The following VSNL1 variants were observed in gnomAD, a reference collection of about 807,000 sequenced individuals.
VSNL1 encodes visinin like 1, also known as visinin-like protein 1.
Under a neutral mutation model 20.4 loss-of-function variants are expected in VSNL1, and 6 were observed. That is an observed-to-expected ratio of 0.29 (90% confidence interval 0.16 to 0.58). The LOEUF is 0.58. Among genes scored for constraint, VSNL1 ranks in the 20% least tolerant of loss-of-function variants. The pLI is 0.90. For synonymous variants in VSNL1, 93 were observed against 86.4 expected (o/e 1.08, Z -0.42); for missense variants, 100 against 234.5 (o/e 0.43, Z 3.75).
intron 2 of VSNL1, among the ~76,000 whole-genome samples, chr2:17,602,435 A>G (rs1474323500): frequency 2.0e-5 from 3 of 152,158 alleles, no homozygotes; most frequent in African/African-American, 7.2e-5. Flanking sequence ...TTTACGACCA[A>G]CTTTCCCTGT....
intron 2 of VSNL1, among the ~76,000 whole-genome samples, chr2:17,618,664 G>T (rs751143420): frequency 6.6e-6 from 1 of 152,160 alleles, no homozygotes; most frequent in African/African-American, 2.4e-5. Context: ...AACCATTATT[G>T]TAAGAGTAAT....
chr2:17,554,129 A>G (rs1054794455), intron 1 of VSNL1, among the ~76,000 whole-genome samples: 1 of 152,192 alleles, frequency 6.6e-6, no homozygotes, highest in Non-Finnish European at 1.5e-5. Flanking sequence ...CTACTTATTT[A>G]GAGAATGTAA....
intron 1 of VSNL1, among the ~76,000 whole-genome samples, chr2:17,558,446 AG>A: frequency 6.6e-6 from 1 of 152,222 alleles, no homozygotes; most frequent in Non-Finnish European, 1.5e-5. Context: ...TTTAATGATA[AG>A]ATCAATAATA....
At chr2:17,579,990 G>GACCATC (rs1664313437) in intron 1 of VSNL1, among the ~76,000 whole-genome samples, 3 of 152,140 alleles carry the variant, frequency 2.0e-5, no homozygotes, top group African/African-American at 7.2e-5. Flanking sequence ...ACACAGTGCT[G>GACCATC]GGAGTCAGAG....
chr2:17,625,239 C>T (rs955955283), intron 2 of VSNL1, among the ~76,000 whole-genome samples: 1 of 152,198 alleles, frequency 6.6e-6, no homozygotes, highest in Non-Finnish European at 1.5e-5. Context: ...AATTAAACCT[C>T]TTTTGTAAAT....
At chr2:17,642,855 A>G (rs1184827836) in intron 2 of VSNL1, among the ~76,000 whole-genome samples, 3 of 152,248 alleles carry the variant, frequency 2.0e-5, no homozygotes, top group African/African-American at 7.2e-5. Flanking sequence ...ATGTAATTAT[A>G]CGAGAATCAC....
intron 2 of VSNL1, among the ~76,000 whole-genome samples, chr2:17,622,160 T>C (rs929200593): frequency 6.7e-6 from 1 of 150,352 alleles, no homozygotes; most frequent in African/African-American, 2.5e-5. Flanking sequence ...TACTAGCTCA[T>C]CCTACAAATT....
intron 2 of VSNL1, among the ~76,000 whole-genome samples, chr2:17,639,393 C>G (rs1665832879): frequency 6.6e-6 from 1 of 152,198 alleles, no homozygotes; most frequent in African/African-American, 2.4e-5. Flanking sequence ...GGGTGTGCCT[C>G]TCTCTGCCTC....
chr2:17,579,364 C>T (rs187765113), intron 1 of VSNL1, among the ~76,000 whole-genome samples: 26 of 152,072 alleles, frequency 1.7e-4, no homozygotes, highest in African/African-American at 6.0e-4. Context: ...ATCCGCCCGC[C>T]TCGGCCTCCC....
In VSNL1 at chr2:17,656,112, GT is replaced by G. The variant is rs1294157318; in HGVS notation, c.*721del. On this transcript the variant is annotated 3_prime_UTR_variant, in exon 4 of 4. Coordinates refer to ENST00000295156, the MANE Select transcript of VSNL1 (RefSeq NM_003385.5). The stretch of plus-strand genomic sequence containing the variant: ...AAGTAAAAAAGATGGAAGTGTATTG[GT>G]TTCTGTTTGAATTTTCAAAGGCTTC... 1.3e-5 allele frequency: 2 copies of G among 152,490 alleles called. No homozygotes were observed. Among genetic ancestry groups the G allele is most frequent in the African/African-American group, 4.8e-5 (2 of 41,386 alleles). 9.4% of individuals were successfully genotyped at this position (152,490 alleles called of 1,614,324 possible).
intron 2 of VSNL1, among the ~76,000 whole-genome samples, chr2:17,608,833 G>A (rs1382111190): frequency 2.0e-5 from 3 of 152,126 alleles, no homozygotes; most frequent in Admixed American, 6.5e-5. Flanking sequence ...ATTATTTTGT[G>A]TTAGGGATGT....
At position 17,655,772 on chromosome 2, in the gene VSNL1, C is replaced by T. The variant is rs575632765; in HGVS notation, c.*378C>T. ...TTACATAATGTTAGTAGCACTGAGACCCCCATGGTAATGTAACTTAATTAT... is the reference window on the plus strand; with the variant it reads ...TTACATAATGTTAGTAGCACTGAGATCCCCATGGTAATGTAACTTAATTAT... On this transcript the variant is annotated 3_prime_UTR_variant, in exon 4 of 4. Coordinates refer to ENST00000295156, the MANE Select transcript of VSNL1 (RefSeq NM_003385.5). The surrounding 1 kb of genome is among the most constrained non-coding windows in gnomAD (Gnocchi z 5.2). 12 of 189,512 alleles carry T rather than the reference C, an allele frequency of 6.3e-5. No individual in the cohort carries two copies. In the South Asian group the frequency reaches 1.2e-3, roughly 19 times the overall value. 11.7% of individuals were successfully genotyped at this position (189,512 alleles called of 1,614,324 possible).
intron 1 of VSNL1, among the ~76,000 whole-genome samples, chr2:17,558,596 A>G (rs62131506): frequency 6.6e-6 from 1 of 152,214 alleles, no homozygotes; most frequent in South Asian, 2.1e-4. Flanking sequence ...ACAGTCACAT[A>G]GCCAAAAAGT....
chr2:17,642,422 C>T (rs1665902206), intron 2 of VSNL1, among the ~76,000 whole-genome samples: 1 of 151,488 alleles, frequency 6.6e-6, no homozygotes, highest in Non-Finnish European at 1.5e-5. Context: ...CATCCTCCTG[C>T]CTCAGCCTCC....
intron 2 of VSNL1, among the ~76,000 whole-genome samples, chr2:17,645,107 C>T (rs1665964565): frequency 6.6e-6 from 1 of 152,252 alleles, no homozygotes; most frequent in Admixed American, 6.5e-5. Context: ...ATCAAGAGCT[C>T]TATTTCCAGC....
At chr2:17,605,444 A>G (rs1444068427) in intron 2 of VSNL1, among the ~76,000 whole-genome samples, 1 of 152,208 alleles carries the variant, frequency 6.6e-6, no homozygotes, top group Non-Finnish European at 1.5e-5. Context: ...TCCCTGGTGC[A>G]GGCACCAGGG....
chr2:17,649,399 CT>C lies in VSNL1; in HGVS notation c.163-10del, dbSNP rs1558312336. ...CTCCCGACACCTGACTGCGCGTGTT[CT>C]CCTTTGCAGTTCTTTCCTTATGGAG... On this transcript the variant is annotated splice_polypyrimidine_tract_variant and intron_variant, in intron 2 of 3. Transcript: ENST00000295156. The surrounding 1 kb of genome is among the most constrained non-coding windows in gnomAD (Gnocchi z 6.4). 6.2e-7 allele frequency: 1 copy of C among 1,613,998 alleles called. No individual in the cohort carries two copies. The highest frequency in any genetic ancestry group is 2.2e-5 in the East Asian group (1 of 44,868).
intron 1 of VSNL1, among the ~76,000 whole-genome samples, chr2:17,584,049 CAT>C (rs1454073311): frequency 1.3e-5 from 2 of 152,140 alleles, no homozygotes; most frequent in Non-Finnish European, 2.9e-5. Flanking sequence ...GAGCAAATAA[CAT>C]TATTTTATTT....
chr2:17,592,640 CTTTTTTTTTTTTTTTTTTTT>C (rs55756596), intron 2 of VSNL1, among the ~76,000 whole-genome samples: 6,655 of 71,014 alleles, frequency 0.094, 320 homozygotes, highest in South Asian at 0.2. Context: ...CTCTCTCTCT[CTTTTTTTTTTTTTTTTTTTT>C]TTTTTTTTTT....
Sources: allele counts gnomAD v4.1 joint callset (sites outside exome capture counted in the v4.1 genomes callset), GRCh38; gene constraint gnomAD v4.1.1; non-coding constraint Gnocchi (gnomAD v3.1); transcripts MANE v1.5; gene names NCBI Gene and HGNC (gene_info 2026-07-23, HGNC 2026-07-21).